Variants in SYNE1 observed in about 807,000 individuals in gnomAD.
SYNE1 encodes spectrin repeat containing nuclear envelope protein 1, also known as nesprin-1.
In SYNE1, 616 loss-of-function variants were observed where a neutral mutation model predicts 1,111.0. That is an observed-to-expected ratio of 0.55 (90% CI 0.52 to 0.59). The LOEUF is 0.59. Ranked by LOEUF, SYNE1 falls within the 20% of genes least tolerant of loss-of-function variation. SYNE1 has a pLI of 0.00. For synonymous variants in SYNE1, 3,855 were observed against 3,825.8 expected, an observed-to-expected ratio of 1.01 and a Z score of -0.28; for missense variants, 10,006 against 10,417.0, an observed-to-expected ratio of 0.96 and a Z score of 1.72.
rs141883657 is a variant in SYNE1 at position 152,399,731 on chromosome 6, C to T, written c.7122G>A (p.Glu2374=). ...NSLCRKYHSA[E]LESLGRAMTG... The stretch of plus-strand genomic sequence containing the variant: ...TCATTGCACGGCCCAGGCTCTCCAA[C>T]TCAGCTGAGTGGTACTTGCGGCACA... The change falls in exon 48 of 146, where the codon GAG becomes GAA. Residue 2374 remains glutamate (E), a synonymous_variant. Transcript: ENST00000367255. 3.8e-5 allele frequency: 62 copies of T among 1,614,168 alleles called. No homozygotes were observed. In the African/African-American group the frequency reaches 7.3e-4, roughly 19 times the overall value.
chr6:152,316,661 A>G (rs2095731610), intron 87 of SYNE1, 188 bp downstream of exon 87: 2 of 637,990 alleles, frequency 3.1e-6, no homozygotes, highest in Non-Finnish European at 5.4e-6. Context: ...TATTTATTCA[A>G]TTTCATGAAA....
intron 96 of SYNE1, 34 bp from the exon 97 acceptor site, chr6:152,282,014 G>A (rs765523252): frequency 1.9e-5 from 30 of 1,604,166 alleles, no homozygotes; most frequent in South Asian, 5.5e-5. Context: ...TATAGATCAC[G>A]CTAAGGTAAA....
chr6:152,323,305 G>A (rs1313015267), intron 82 of SYNE1, among the ~76,000 whole-genome samples, 173 bp downstream of exon 82: 2 of 152,326 alleles, frequency 1.3e-5, no homozygotes, highest in East Asian at 1.9e-4. Flanking sequence ...GGGCGTGGTG[G>A]CGGGCGCCTG....
At chr6:152,274,106 T>C (rs2153694170) in intron 98 of SYNE1, among the ~76,000 whole-genome samples, 1 of 152,342 alleles carries the variant, frequency 6.6e-6, no homozygotes, top group South Asian at 2.1e-4. Flanking sequence ...AGACCTATAA[T>C]AGCTGTTTAC....
chr6:152,511,263 C>T (rs543871606), intron 6 of SYNE1, among the ~76,000 whole-genome samples, 160 bp from the exon 7 acceptor site: 11 of 152,080 alleles, frequency 7.2e-5, no homozygotes, highest in African/African-American at 2.7e-4. Context: ...CAAACAAGCA[C>T]AAGGTTTCAG....
chr6:152,321,352 A>C lies in SYNE1; in HGVS notation c.16122T>G (p.Ile5374Met). The change falls in exon 84 of 146, where the codon ATT becomes ATG. Residue 5374 changes from isoleucine to methionine, a missense_variant. Physicochemically the swap from Ile to Met is conservative, Grantham distance 10. This residue lies in a region of SYNE1 where 4,955 missense variants were observed against 5,017.2 expected (regional missense o/e 0.99). Transcript: ENST00000367255. The stretch of plus-strand genomic sequence containing the variant: ...CCTTCTGTTCTTCTGCCATTTTTTC[A>C]ATGTTCTGTCGGTGATTTGTGGCTT... ...LTEATNHRQN[I>M]EKMAEEQKEK... The C allele has an allele frequency of 6.2e-7, 1 of 1,613,842 alleles. No homozygotes were observed. The highest frequency in any genetic ancestry group is 8.5e-7 in the Non-Finnish European group (1 of 1,179,900).
At chr6:152,213,557 T>A (rs1416732210) in intron 123 of SYNE1, 55 bp downstream of exon 123, 3 of 1,596,652 alleles carry the variant, frequency 1.9e-6, no homozygotes, top group African/African-American at 2.7e-5. Context: ...TTTCGTAGCA[T>A]CTTCTAAGGG....
intron 4 of SYNE1, among the ~76,000 whole-genome samples, chr6:152,532,077 CAT>C (rs1253732346): frequency 1.3e-5 from 2 of 152,140 alleles, no homozygotes; most frequent in African/African-American, 4.8e-5. Flanking sequence ...GAAAAACTGA[CAT>C]ATTGTTTTAC....
At chr6:152,287,273 CTTTT>C (rs1030151200) in intron 95 of SYNE1, among the ~76,000 whole-genome samples, 14 of 150,536 alleles carry the variant, frequency 9.3e-5, no homozygotes, top group Non-Finnish European at 1.9e-4. Flanking sequence ...GAAAATTCTT[CTTTT>C]TTTCACCCAT....
At chr6:152,411,709 TCACA>T (rs778760518) in intron 42 of SYNE1, among the ~76,000 whole-genome samples, 4 of 122,350 alleles carry the variant, frequency 3.3e-5, no homozygotes, top group Non-Finnish European at 6.7e-5. Context: ...GCACTTAAAG[TCACA>T]CACACACACA....
intron 46 of SYNE1, chr6:152,402,797 G>T (rs1483003308): frequency 6.6e-6 from 1 of 151,452 alleles, no homozygotes; most frequent in Non-Finnish European, 1.5e-5. Flanking sequence ...GAGAGAGAAA[G>T]GAAGAAAGAG....
intron 3 of SYNE1, among the ~76,000 whole-genome samples, chr6:152,626,505 A>G (rs906249069): frequency 6.6e-6 from 1 of 152,170 alleles, no homozygotes; most frequent in African/African-American, 2.4e-5. Context: ...TCAGCATTGC[A>G]TCTACCCAGG....
At chr6:152,471,911 C>A (rs932160912) in intron 15 of SYNE1, 146 bp from the exon 16 acceptor site, 3 of 810,320 alleles carry the variant, frequency 3.7e-6, no homozygotes, top group Non-Finnish European at 5.9e-6. Context: ...AATCCGATTC[C>A]TTTTCTAGCT....
chr6:152,466,239 G>A (rs570807327), intron 16 of SYNE1, among the ~76,000 whole-genome samples, 161 bp from the exon 17 acceptor site: 4 of 152,236 alleles, frequency 2.6e-5, no homozygotes, highest in African/African-American at 9.6e-5. Context: ...AATTACCTAA[G>A]ATCATTCTGA....
chr6:152,291,340 A>T (rs1330233486), intron 95 of SYNE1, among the ~76,000 whole-genome samples: 1 of 151,318 alleles, frequency 6.6e-6, no homozygotes, highest in Admixed American at 6.6e-5. Flanking sequence ...ATGACTGGTA[A>T]TCTTCACTAA....
intron 4 of SYNE1, among the ~76,000 whole-genome samples, chr6:152,528,559 T>C (rs2099176967): frequency 6.6e-6 from 1 of 152,176 alleles, no homozygotes; most frequent in East Asian, 1.9e-4. Flanking sequence ...GTACAAATAT[T>C]TATACCACCA....
At chr6:152,213,910 G>C in intron 122 of SYNE1, 151 bp from the exon 123 acceptor site, 1 of 979,062 alleles carries the variant, frequency 1.0e-6, no homozygotes, top group Non-Finnish European at 1.5e-6. Context: ...TTTTAAAAAA[G>C]AAGAAAGAGG....
At chr6:152,442,268 T>G (rs905989517) in intron 30 of SYNE1, 23 bp from the exon 31 acceptor site, 2 of 1,611,122 alleles carry the variant, frequency 1.2e-6, no homozygotes, top group Non-Finnish European at 1.7e-6. Flanking sequence ...ATTCAACAGA[T>G]GGATATAAAT....
rs752463102 is a variant in SYNE1 at position 152,330,804 on chromosome 6, C to T, written c.13881G>A (p.Gln4627=). 3.7e-6 allele frequency: 6 copies of T among 1,613,866 alleles called. No individual in the cohort carries two copies. The highest frequency in any genetic ancestry group is 5.1e-6 in the Non-Finnish European group (6 of 1,180,030). The stretch of plus-strand genomic sequence containing the variant: ...CTTCATTCAGCGATGGTAATATGGT[C>T]TGCCCAGTTCTCTGCAGCGTAAGTA... ...NLLLTLQRTG[Q]TILPSLNEVD... is the part of the protein sequence containing the mutation. Residue 4627 remains glutamine (Q), a synonymous_variant, in exon 78 of 146, where the codon CAG becomes CAA. Coordinates refer to ENST00000367255, the MANE Select transcript of SYNE1 (RefSeq NM_182961.4).
Sources: allele counts gnomAD v4.1 joint callset (sites outside exome capture counted in the v4.1 genomes callset), GRCh38; gene constraint gnomAD v4.1.1; regional missense constraint gnomAD v4.1.1; transcripts MANE v1.5; gene names NCBI Gene and HGNC (gene_info 2026-07-23, HGNC 2026-07-21).